THSD7A: variants seen among roughly 807,000 people sequenced by gnomAD.
THSD7A encodes thrombospondin type 1 domain containing 7A.
THSD7A carries 96 observed loss-of-function variants against 231.3 expected under a neutral mutation model. That is an observed-to-expected ratio of 0.41 (90% confidence interval 0.35 to 0.49). THSD7A has a LOEUF of 0.49. Ranked by LOEUF, THSD7A falls within the 20% of genes least tolerant of loss-of-function variation. THSD7A has a pLI of 0.05. For synonymous variants in THSD7A, 940 were observed against 743.3 expected, an observed-to-expected ratio of 1.26 and a Z score of -4.30; for missense variants, 2,290 against 2,070.2, an observed-to-expected ratio of 1.11 and a Z score of -2.06.
intron 2 of THSD7A, among the ~76,000 whole-genome samples, chr7:11,614,120 T>C (rs1193207617): frequency 6.6e-6 from 1 of 152,122 alleles, no homozygotes; most frequent in African/African-American, 2.4e-5. Context: ...TCAGCAAATA[T>C]ATGGTATTAT....
intron 1 of THSD7A, among the ~76,000 whole-genome samples, chr7:11,651,940 A>C (rs1448943616): frequency 6.6e-6 from 1 of 151,976 alleles, no homozygotes; most frequent in African/African-American, 2.4e-5. Context: ...TAAATAATAA[A>C]TTGTAGAAAC....
Position 11,636,341 on chromosome 7 carries a change from C to T in THSD7A, c.811G>A (p.Val271Ile), listed in dbSNP as rs753115749. The change falls in exon 2 of 28, where the codon GTA (valine) becomes ATA (isoleucine). Residue 271 changes from valine to isoleucine, a missense_variant. Coordinates refer to ENST00000423059, the MANE Select transcript of THSD7A (RefSeq NM_015204.3). The surrounding 1 kb of genome is among the most constrained non-coding windows in gnomAD (Gnocchi z 10.0). ...STCSMPHSRQ[V>I]RQARRRGKNK... is the part of the protein sequence containing the mutation. ...TTCCCGCGTCTCCTTGCTTGTCTTA[C>T]TTGTCGGGAGTGGGGCATTGAGCAG... The T allele has an allele frequency of 2.5e-6, 4 of 1,613,874 alleles. No homozygotes were observed. The highest frequency in any genetic ancestry group is 3.4e-6 in the Non-Finnish European group (4 of 1,179,870).
intron 1 of THSD7A, among the ~76,000 whole-genome samples, chr7:11,666,644 T>C (rs180936475): frequency 4.2e-4 from 64 of 151,192 alleles, no homozygotes; most frequent in African/African-American, 1.4e-3. Context: ...GATTGTATAA[T>C]ATACAGTATA....
intron 1 of THSD7A, among the ~76,000 whole-genome samples, chr7:11,751,928 T>A (rs1368404663): frequency 6.6e-6 from 1 of 152,062 alleles, no homozygotes; most frequent in Admixed American, 6.6e-5. Flanking sequence ...GGCAATCATG[T>A]CAGGGTAACC....
intron 1 of THSD7A, among the ~76,000 whole-genome samples, chr7:11,647,520 G>A (rs770925853): frequency 2.0e-5 from 3 of 151,924 alleles, no homozygotes; most frequent in Non-Finnish European, 4.4e-5. Flanking sequence ...GCTGCTTTTG[G>A]GTAATGAGTA....
intron 1 of THSD7A, among the ~76,000 whole-genome samples, chr7:11,761,558 G>A (rs1052575310): frequency 6.6e-6 from 1 of 151,966 alleles, no homozygotes; most frequent in South Asian, 2.1e-4. Context: ...ATATCTACAT[G>A]TATAGTGTTT....
chr7:11,761,290 G>A (rs1299764394), intron 1 of THSD7A, among the ~76,000 whole-genome samples: 1 of 151,920 alleles, frequency 6.6e-6, no homozygotes, highest in Non-Finnish European at 1.5e-5. Flanking sequence ...TGTGGGAAAG[G>A]GAAATCCAAC....
At chr7:11,529,059 C>T (rs1391371181) in intron 6 of THSD7A, among the ~76,000 whole-genome samples, 1 of 152,122 alleles carries the variant, frequency 6.6e-6, no homozygotes, top group Admixed American at 6.6e-5. Flanking sequence ...TCTAGTGACA[C>T]ATTCAGTATA....
intron 4 of THSD7A, among the ~76,000 whole-genome samples, chr7:11,567,464 G>T (rs910280026): frequency 1.3e-5 from 2 of 152,144 alleles, no homozygotes; most frequent in African/African-American, 4.8e-5. Flanking sequence ...TGAGATTTAG[G>T]TGGGGACACG....
intron 4 of THSD7A, among the ~76,000 whole-genome samples, chr7:11,563,570 C>T (rs2128330774): frequency 6.6e-6 from 1 of 152,196 alleles, no homozygotes; most frequent in East Asian, 1.9e-4. Context: ...CCATGTTGGC[C>T]AGGCTGGTTT....
intron 1 of THSD7A, among the ~76,000 whole-genome samples, chr7:11,745,003 C>T (rs1782238294): frequency 6.6e-6 from 1 of 151,872 alleles, no homozygotes; most frequent in African/African-American, 2.4e-5. Flanking sequence ...TTCTAGATCC[C>T]TGAGGAATCG....
intron 13 of THSD7A, among the ~76,000 whole-genome samples, chr7:11,431,254 A>G (rs1393281765): frequency 6.6e-6 from 1 of 152,208 alleles, no homozygotes. Context: ...CTTTGGTATT[A>G]TATCTAGGAA....
intron 1 of THSD7A, among the ~76,000 whole-genome samples, chr7:11,684,257 A>T (rs971479425): frequency 6.6e-6 from 1 of 151,942 alleles, no homozygotes; most frequent in Non-Finnish European, 1.5e-5. Context: ...CCCATCCGTG[A>T]CAAACTCACA....
chr7:11,689,312 T>C (rs1327436582), intron 1 of THSD7A, among the ~76,000 whole-genome samples: 2 of 151,858 alleles, frequency 1.3e-5, no homozygotes, highest in Non-Finnish European at 1.5e-5. Context: ...AAAATGCTTT[T>C]TTCTTAACTG....
chr7:11,776,765 GTAAAATAGTT>G (rs2128173210), intron 1 of THSD7A, among the ~76,000 whole-genome samples: 1 of 152,276 alleles, frequency 6.6e-6, no homozygotes, highest in East Asian at 1.9e-4. Context: ...TTGACAACTA[GTAAAATAGTT>G]TTTATATGAA....
chr7:11,695,971 T>C (rs1780383560), intron 1 of THSD7A, among the ~76,000 whole-genome samples: 1 of 151,300 alleles, frequency 6.6e-6, no homozygotes, highest in South Asian at 2.1e-4. Context: ...CTGAAATGAG[T>C]TTAAGTGTAG....
At chr7:11,739,031 T>A (rs1350447522) in intron 1 of THSD7A, among the ~76,000 whole-genome samples, 1 of 152,020 alleles carries the variant, frequency 6.6e-6, no homozygotes, top group African/African-American at 2.4e-5. Context: ...ATGTGAAGCA[T>A]GTAGATCAGT....
At chr7:11,801,192 T>A (rs895908117) in intron 1 of THSD7A, among the ~76,000 whole-genome samples, 1 of 152,100 alleles carries the variant, frequency 6.6e-6, no homozygotes, top group Non-Finnish European at 1.5e-5. Context: ...GCCATTTGCA[T>A]ATTAGTTATA....
intron 4 of THSD7A, among the ~76,000 whole-genome samples, chr7:11,580,259 T>C (rs1220303298): frequency 6.6e-6 from 1 of 152,092 alleles, no homozygotes; most frequent in Non-Finnish European, 1.5e-5. Flanking sequence ...AGCATGCAGG[T>C]GATTCTTAAA....
Sources: gnomAD v4.1 joint callset for allele counts (sites outside exome capture counted in the v4.1 genomes callset) on GRCh38, gnomAD v4.1.1 for gene constraint, Gnocchi (gnomAD v3.1) non-coding constraint, MANE v1.5 for transcripts, NCBI Gene and HGNC (gene_info 2026-07-23, HGNC 2026-07-21) for gene names.